Variants in TTBK2 observed in about 807,000 individuals in gnomAD.
TTBK2 encodes the protein tau tubulin kinase 2.
A neutral mutation model predicts 110.8 loss-of-function variants in TTBK2; 28 were observed. The ratio of observed to expected loss-of-function variants is 0.25; its 90% CI spans 0.19 to 0.35. The LOEUF is 0.35. TTBK2 is among the 10% of genes least tolerant of loss of function. The pLI is 1.00. For missense variants in TTBK2, 1,369 were observed against 1,500.3 expected (o/e 0.91, Z 1.45); for synonymous variants, 532 against 527.3 (o/e 1.01, Z -0.12).
At chr15:42,760,987 C>T (rs185457143) in intron 13 of TTBK2, among the ~76,000 whole-genome samples, 2 of 152,242 alleles carry the variant, frequency 1.3e-5, no homozygotes, top group Admixed American at 1.3e-4. Flanking sequence ...AAAACAGACA[C>T]ATAGACCAAC....
At chr15:42,812,482 G>C (rs540756406) in intron 7 of TTBK2, among the ~76,000 whole-genome samples, 3 of 152,080 alleles carry the variant, frequency 2.0e-5, no homozygotes, top group Non-Finnish European at 4.4e-5. Flanking sequence ...ATTAACTTCT[G>C]GGTGATCATG....
At position 42,828,724 on chromosome 15, in the gene TTBK2, A is replaced by G. The variant is rs570794336; in HGVS notation, c.433-692T>C. 2.0e-4 allele frequency among the ~76,000 whole-genome samples: 29 copies of G among 148,238 alleles called. 1 individual carries two copies. The East Asian group carries it at 5.5e-3, about 28-fold the overall frequency. Reference sequence around the variant, plus strand: ...GGTGACAGAGTGAGACTCTGTCACAAAAAAAAAAAAAAAAGATTTTCCTAT... The same window carrying G: ...GGTGACAGAGTGAGACTCTGTCACAGAAAAAAAAAAAAAAGATTTTCCTAT... On this transcript the variant is annotated intron_variant, in intron 5 of 14. Coordinates refer to ENST00000267890, the MANE Select transcript of TTBK2 (RefSeq NM_173500.4).
Position 42,817,018 on chromosome 15 carries a change from G to C in TTBK2, c.603+14C>G. The C allele has an allele frequency of 6.3e-7, 1 of 1,591,572 alleles. No homozygotes were observed. Among genetic ancestry groups the C allele is most frequent in the Non-Finnish European group, 8.6e-7 (1 of 1,166,380 alleles). ...GCATACTTATACAGATATGACTCTA[G>C]TTCAGATACCTACCCTGTTCCGATG... On this transcript the variant is annotated intron_variant, in intron 7 of 14. Transcript: ENST00000267890.
At chr15:42,904,216 T>C (rs919502420) in intron 1 of TTBK2, among the ~76,000 whole-genome samples, 1 of 152,176 alleles carries the variant, frequency 6.6e-6, no homozygotes, top group African/African-American at 2.4e-5. Flanking sequence ...ACACTAAGTT[T>C]TGAATAATTT....
At chr15:42,760,228 A>G (rs531007365) in intron 13 of TTBK2, among the ~76,000 whole-genome samples, 1 of 152,198 alleles carries the variant, frequency 6.6e-6, no homozygotes, top group African/African-American at 2.4e-5. Context: ...TCTACTAAAA[A>G]TACAAAAATT....
At chr15:42,779,051 A>T (rs1890065536) in intron 11 of TTBK2, among the ~76,000 whole-genome samples, 1 of 152,246 alleles carries the variant, frequency 6.6e-6, no homozygotes, top group Non-Finnish European at 1.5e-5. Context: ...AAAAACAATT[A>T]GAATGACAGT....
chr15:42,814,147 G>A (rs1003334398), intron 7 of TTBK2, among the ~76,000 whole-genome samples: 4 of 151,882 alleles, frequency 2.6e-5, no homozygotes, highest in South Asian at 2.1e-4. Context: ...TCAGCCTCCC[G>A]AGTAGCTGAG....
chr15:42,825,177 C>A (rs1258078117), intron 6 of TTBK2, among the ~76,000 whole-genome samples: 1 of 151,940 alleles, frequency 6.6e-6, no homozygotes, highest in Admixed American at 6.6e-5. Context: ...GGGAGAGAGG[C>A]ACTGGATAAA....
In TTBK2 at chr15:42,752,104, A is replaced by C; in HGVS notation, c.3142T>G (p.Ser1048Ala). The C allele has an allele frequency of 1.2e-6, 2 of 1,614,160 alleles. No individual in the cohort carries two copies. The highest frequency in any genetic ancestry group is 1.7e-6 in the Non-Finnish European group (2 of 1,180,028). Residue 1048 changes from serine (S) to alanine (A), a missense_variant, in exon 14 of 15, where the codon TCT becomes GCT. Physicochemically the swap from Ser to Ala is moderately conservative, Grantham distance 99. Coordinates refer to ENST00000267890, the MANE Select transcript of TTBK2 (RefSeq NM_173500.4). ...DSFLSPIISQSRKSKIPRPVS... is the reference protein window; with the variant it reads ...DSFLSPIISQARKSKIPRPVS... ...GGCCTTGGAATTTTGCTCTTTCTAGACTGGGAGATGATGGGTGACAGAAAG... is the reference window on the plus strand; with the variant it reads ...GGCCTTGGAATTTTGCTCTTTCTAGCCTGGGAGATGATGGGTGACAGAAAG...
At chr15:42,912,211 G>A (rs1486358890) in intron 1 of TTBK2, among the ~76,000 whole-genome samples, 2 of 152,124 alleles carry the variant, frequency 1.3e-5, no homozygotes, top group African/African-American at 4.8e-5. Flanking sequence ...TGTTTCAGTC[G>A]GCAAGGTGGC....
intron 13 of TTBK2, among the ~76,000 whole-genome samples, chr15:42,756,709 TA>T (rs199583405): frequency 6.6e-6 from 1 of 151,760 alleles, no homozygotes; most frequent in South Asian, 2.1e-4. Flanking sequence ...ACATATGGTA[TA>T]AAAAAAAGAG....
rs148251327 is a variant in TTBK2, at chr15:42,813,488, C to T, written c.604-1708G>A. Among the ~76,000 whole-genome samples the T allele has an allele frequency of 8.9e-3, 1,351 of 152,026 alleles. 15 individuals carry two copies. Among genetic ancestry groups the T allele is most frequent in the African/African-American group, 0.031 (1,283 of 41,430 alleles). On this transcript the variant is annotated intron_variant, in intron 7 of 14. Transcript: ENST00000267890. ...AGTGAGCCGAGACCATACCAGTATACTCCAGCCTGGGCAACAGAGCAAGAC... is the reference window on the plus strand; with the variant it reads ...AGTGAGCCGAGACCATACCAGTATATTCCAGCCTGGGCAACAGAGCAAGAC...
At chr15:42,790,971 C>T (rs1355610405) in intron 10 of TTBK2, among the ~76,000 whole-genome samples, 5 of 152,178 alleles carry the variant, frequency 3.3e-5, no homozygotes, top group African/African-American at 1.2e-4. Flanking sequence ...GCAAGCTCCA[C>T]CTCCCGTGTT....
intron 3 of TTBK2, among the ~76,000 whole-genome samples, chr15:42,851,516 A>G (rs574116664): frequency 6.6e-6 from 1 of 152,232 alleles, no homozygotes; most frequent in Admixed American, 6.5e-5. Flanking sequence ...ATAGAAAATA[A>G]ATCTTAGTGA....
At chr15:42,840,582 T>G (rs777843696) in intron 3 of TTBK2, 149 bp from the exon 4 acceptor site, 4 of 762,712 alleles carry the variant, frequency 5.2e-6, no homozygotes, top group Non-Finnish European at 9.4e-6. Flanking sequence ...ATTCAAATTT[T>G]CTACCTACCT....
At position 42,763,143 on chromosome 15, in the gene TTBK2, CATATATATATATACATATATATATATAT is replaced by C. The variant is rs1457537061; in HGVS notation, c.1999-9924_1999-9897del. 1.6e-4 allele frequency among the ~76,000 whole-genome samples: 8 copies of C among 51,170 alleles called. 1 individual carries two copies. Among genetic ancestry groups the C allele is most frequent in the Admixed American group, 6.4e-4 (2 of 3,136 alleles). The allele number at this position is 51,170 out of a possible 152,430, so 33.6% of individuals were successfully genotyped here. The stretch of plus-strand genomic sequence containing the variant: ...ACACATATATATACATATATACATA[CATATATATATATACATATATATATATAT>C]ATATATATATATATATATATATTTT... On this transcript the variant is annotated intron_variant, in intron 13 of 14. Transcript: ENST00000267890.
chr15:42,874,537 A>C (rs1894736837), intron 2 of TTBK2, among the ~76,000 whole-genome samples: 1 of 151,160 alleles, frequency 6.6e-6, no homozygotes, highest in Non-Finnish European at 1.5e-5. Context: ...GGCTGGTCTC[A>C]AACTCCTGAT....
chr15:42,909,614 C>A (rs1440552175), intron 1 of TTBK2, among the ~76,000 whole-genome samples: 1 of 152,124 alleles, frequency 6.6e-6, no homozygotes, highest in African/African-American at 2.4e-5. Context: ...ATTGCACTTA[C>A]CGCAAAACTA....
intron 10 of TTBK2, among the ~76,000 whole-genome samples, 193 bp from the exon 11 acceptor site, chr15:42,783,828 G>A (rs981213233): frequency 6.6e-6 from 1 of 151,508 alleles, no homozygotes; most frequent in African/African-American, 2.4e-5. Context: ...TTGGGAGGCT[G>A]AGGCAGTCAG....
Sources: gnomAD v4.1 joint callset for allele counts (sites outside exome capture counted in the v4.1 genomes callset) on GRCh38, gnomAD v4.1.1 for gene constraint, MANE v1.5 for transcripts, NCBI Gene and HGNC (gene_info 2026-07-23, HGNC 2026-07-21) for gene names.